The following GALC variants were observed in gnomAD, a reference collection of about 807,000 sequenced individuals.
The protein encoded by GALC is galactocerebrosidase.
Under a neutral mutation model 91.8 loss-of-function variants are expected in GALC, and 77 were observed. The ratio of observed to expected loss-of-function variants is 0.84; its 90% CI spans 0.70 to 1.01. GALC has a LOEUF of 1.01. GALC is among the 50% of genes least tolerant of loss of function. The pLI is 0.00. For synonymous variants in GALC, 357 were observed against 306.7 expected (o/e 1.16, Z -1.71); for missense variants, 882 against 855.9 (o/e 1.03, Z -0.38).
intron 16 of GALC, among the ~76,000 whole-genome samples, chr14:87,938,383 T>G (rs895634860): frequency 1.3e-5 from 2 of 151,998 alleles, no homozygotes; most frequent in Non-Finnish European, 2.9e-5. Flanking sequence ...AAGAAAACTC[T>G]GAAGGAAGCA....
intron 7 of GALC, among the ~76,000 whole-genome samples, chr14:87,970,256 A>G (rs1886229957): frequency 1.3e-5 from 2 of 152,274 alleles, no homozygotes; most frequent in South Asian, 4.1e-4. Context: ...TGGTTAAAAT[A>G]TATTTCTATA....
chr14:87,954,388 T>C, intron 10 of GALC: 5 of 1,600,340 alleles, frequency 3.1e-6, no homozygotes, highest in Non-Finnish European at 4.3e-6. Flanking sequence ...AAGATCAACA[T>C]TATGTGCTTG....
chr14:87,984,091 G>A (rs1452433101), intron 5 of GALC, among the ~76,000 whole-genome samples: 1 of 128,592 alleles, frequency 7.8e-6, no homozygotes, highest in Non-Finnish European at 1.6e-5. Context: ...AGGAACCAGA[G>A]AAAGCAGGGA....
At chr14:87,984,566 G>T (rs755506213) in intron 4 of GALC, 33 bp from the exon 5 acceptor site, 2 of 1,613,452 alleles carry the variant, frequency 1.2e-6, no homozygotes, top group Non-Finnish European at 1.7e-6. Flanking sequence ...AAAGGTAGAG[G>T]AGGTATAACG....
At position 87,933,405 on chromosome 14, in the gene GALC, A is replaced by G. The variant is rs1884443929; in HGVS notation, c.*1327T>C. The G allele has an allele frequency of 6.6e-6, 1 of 152,588 alleles. No homozygotes were observed. The highest frequency in any genetic ancestry group is 6.6e-5 in the Admixed American group (1 of 15,248). The allele number at this position is 152,588 out of a possible 1,614,324, so 9.5% of individuals were successfully genotyped here. A position where few individuals can be genotyped will look rare whatever the true frequency, so the allele number is the denominator to read the frequency against. On this transcript the variant is annotated 3_prime_UTR_variant, in exon 17 of 17. Transcript: ENST00000261304. ...AATTTATCAAAACTCACTGAATTGT[A>G]TATTTAAAGTAGGAACATTTTATTG...
intron 16 of GALC, among the ~76,000 whole-genome samples, chr14:87,937,050 T>G (rs966108603): frequency 6.6e-6 from 1 of 151,592 alleles, no homozygotes; most frequent in Non-Finnish European, 1.5e-5. Flanking sequence ...CTACCCACCA[T>G]GCAACAGAAC....
intron 7 of GALC, among the ~76,000 whole-genome samples, chr14:87,975,784 A>C (rs1338710620): frequency 2.6e-5 from 4 of 152,096 alleles, no homozygotes; most frequent in African/African-American, 7.2e-5. Context: ...ACAAACATAC[A>C]TATCCTATTT....
Position 87,967,440 on chromosome 14 carries a change from A to G in GALC, c.908+895T>C, listed in dbSNP as rs1285647401. ...AACTCTCCTAAGTGTCTTTTCTTTC[A>G]CAAAGAGAAGAAAAAGAACAAATAC... On this transcript the variant is annotated intron_variant, in intron 8 of 16. Transcript: ENST00000261304. Among the ~76,000 whole-genome samples the G allele has an allele frequency of 3.3e-5, 5 of 152,170 alleles. 1 individual carries two copies. Among genetic ancestry groups the G allele is most frequent in the Non-Finnish European group, 7.3e-5 (5 of 68,032 alleles).
rs201884281 is a variant in GALC at position 87,965,633 on chromosome 14, A to T, written c.909-4T>A. The T allele has an allele frequency of 6.2e-7, 1 of 1,613,096 alleles. No individual in the cohort carries two copies. Among genetic ancestry groups the T allele is most frequent in the Non-Finnish European group, 8.5e-7 (1 of 1,179,324 alleles). ...CACTAAATTCCATGCGATTGTGCTA[A>T]AAGATTTGATAAAAAAGAAACACCA... On this transcript the variant is annotated splice_polypyrimidine_tract_variant and splice_region_variant and intron_variant, in intron 8 of 16. Transcript: ENST00000261304.
At position 87,993,016 on chromosome 14, in the gene GALC, C is replaced by T; in HGVS notation, c.149G>A (p.Gly50Glu). ...GGAYVLDDSDGLGREFDGIGA... is the reference protein window; with the variant it reads ...GGAYVLDDSDELGREFDGIGA... Reference sequence around the variant, plus strand: ...GATGCCGTCGAACTCCCGGCCCAGCCCGTCGGAGTCGTCGAGCACGTACGC... The same window carrying T: ...GATGCCGTCGAACTCCCGGCCCAGCTCGTCGGAGTCGTCGAGCACGTACGC... The change falls in exon 1 of 17, where the codon GGG (glycine) becomes GAG (glutamate). Residue 50 changes from glycine (G) to glutamate (E), a missense_variant. By Grantham distance (98) the Gly-to-Glu change is moderately conservative. Coordinates refer to ENST00000261304, the MANE Select transcript of GALC (RefSeq NM_000153.4). The T allele has an allele frequency of 6.5e-7, 1 of 1,545,158 alleles. No individual in the cohort carries two copies. The highest frequency in any genetic ancestry group is 8.7e-7 in the Non-Finnish European group (1 of 1,151,992).
At chr14:87,993,513 T>C, upstream of GALC, 6 of 1,521,562 alleles carry the variant, frequency 3.9e-6, no homozygotes, top group Non-Finnish European at 3.5e-6. Context: ...AGGGAGTATC[T>C]ACCTCGTGCG....
intron 6 of GALC, 102 bp downstream of exon 6, chr14:87,982,103 C>T (rs2139743278): frequency 1.1e-5 from 7 of 644,910 alleles, no homozygotes; most frequent in South Asian, 4.1e-5. Flanking sequence ...ATAAAAAATA[C>T]GGTATTTCCA....
At chr14:87,940,301 A>G (rs1038605589) in intron 15 of GALC, among the ~76,000 whole-genome samples, 7 of 151,976 alleles carry the variant, frequency 4.6e-5, no homozygotes, top group Middle Eastern at 3.2e-3. Flanking sequence ...ACATTTATAC[A>G]TGACTGGATT....
rs1207792748 is a variant in GALC at position 87,933,793 on chromosome 14, C to T, written c.*939G>A. The T allele has an allele frequency of 1.9e-6, 1 of 533,864 alleles. No individual in the cohort carries two copies. Among genetic ancestry groups the T allele is most frequent in the Non-Finnish European group, 3.3e-6 (1 of 301,076 alleles). The allele number at this position is 533,864 out of a possible 1,614,324, so 33.1% of individuals were successfully genotyped here. A position where few individuals can be genotyped will look rare whatever the true frequency, so the allele number is the denominator to read the frequency against. ...ATATTTGGACTTTAAAAAGTAAGTA[C>T]ATCTTAGGAGATGATCCAATTCTGG... is the stretch of plus-strand genomic sequence containing the variant. On this transcript the variant is annotated 3_prime_UTR_variant, in exon 17 of 17. Transcript: ENST00000261304.
chr14:87,970,046 C>T (rs80319205), intron 7 of GALC, among the ~76,000 whole-genome samples: 2 of 152,110 alleles, frequency 1.3e-5, no homozygotes, highest in Non-Finnish European at 1.5e-5. Context: ...GGAACTATAA[C>T]GCCCAACCTG....
chr14:87,977,533 C>G (rs1015385651), intron 6 of GALC, among the ~76,000 whole-genome samples: 1 of 152,134 alleles, frequency 6.6e-6, no homozygotes, highest in African/African-American at 2.4e-5. Flanking sequence ...GAAAAGGAGA[C>G]ATCATTTTAC....
At chr14:87,963,782 A>C in intron 9 of GALC, among the ~76,000 whole-genome samples, 1 of 152,122 alleles carries the variant, frequency 6.6e-6, no homozygotes, top group South Asian at 2.1e-4. Flanking sequence ...TTTTAAGAAT[A>C]AAATAGTTAT....
intron 3 of GALC, among the ~76,000 whole-genome samples, chr14:87,987,318 T>C (rs1263808654): frequency 1.3e-5 from 2 of 152,262 alleles, no homozygotes; most frequent in Non-Finnish European, 2.9e-5. Context: ...CCTGTTTATG[T>C]ACCTCTACCT....
chr14:87,942,025 T>C (rs1405402988), intron 14 of GALC, among the ~76,000 whole-genome samples: 2 of 151,976 alleles, frequency 1.3e-5, no homozygotes, highest in East Asian at 3.9e-4. Context: ...GGCCAACTTT[T>C]ACATTTAAAT....
Sources: gnomAD v4.1 joint callset for allele counts (sites outside exome capture counted in the v4.1 genomes callset) on GRCh38, gnomAD v4.1.1 for gene constraint, MANE v1.5 for transcripts, NCBI Gene and HGNC (gene_info 2026-07-23, HGNC 2026-07-21) for gene names.